The following PRG3 variants were observed in gnomAD, a reference collection of about 807,000 sequenced individuals.
PRG3 encodes the protein proteoglycan 3.
A neutral mutation model predicts 26.1 loss-of-function variants in PRG3; 25 were observed. The ratio of observed to expected loss-of-function variants is 0.96; its 90% CI spans 0.70 to 1.34. PRG3 has a LOEUF of 1.34. Ranked by LOEUF, PRG3 falls within the 40% of genes most tolerant of loss-of-function variation. The pLI is 0.00. For missense variants in PRG3, 280 were observed against 264.8 expected, an observed-to-expected ratio of 1.06 and a Z score of -0.40; for synonymous variants, 111 against 100.4, an observed-to-expected ratio of 1.11 and a Z score of -0.63.
chr11:57,379,894 C>G, intron 2 of PRG3, 87 bp from the exon 3 acceptor site: 2 of 1,236,994 alleles, frequency 1.6e-6, no homozygotes, highest in Non-Finnish European at 2.2e-6. Context: ...CTCGAGCTTT[C>G]CTAGGAATTC....
At position 57,379,693 on chromosome 11, in the gene PRG3, G is replaced by T. The variant is rs756221435; in HGVS notation, c.176C>A (p.Ala59Glu). 15 of 1,613,802 alleles carry T rather than the reference G, an allele frequency of 9.3e-6. No individual in the cohort carries two copies. Among genetic ancestry groups the T allele is most frequent in the Non-Finnish European group, 1.2e-5 (14 of 1,180,028 alleles). ...DLALTEEVIQ[A>E]EGEEVKASAC... ...AGAAGCCTTGACCTCCTCTCCCTCTGCCTGAATCACCTCCTCCGTCAGAGC... is the reference window on the plus strand; with the variant it reads ...AGAAGCCTTGACCTCCTCTCCCTCTTCCTGAATCACCTCCTCCGTCAGAGC... Residue 59 changes from alanine to glutamate, a missense_variant, in exon 3 of 6, where the codon GCA becomes GAA. Coordinates refer to ENST00000287143, the MANE Select transcript of PRG3 (RefSeq NM_006093.4).
intron 2 of PRG3, 30 bp downstream of exon 2, chr11:57,380,618 G>A (rs367748920): frequency 6.5e-7 from 1 of 1,531,968 alleles, no homozygotes; most frequent in Non-Finnish European, 8.8e-7. Context: ...AAAAGGGAAA[G>A]ACGCATGAGG....
At chr11:57,377,890 T>C in intron 4 of PRG3, 54 bp from the exon 5 acceptor site, 1 of 1,451,218 alleles carries the variant, frequency 6.9e-7, no homozygotes, top group South Asian at 1.2e-5. Context: ...CAGGACCTCA[T>C]GGAATACCCC....
intron 2 of PRG3, 77 bp from the exon 3 acceptor site, chr11:57,379,884 C>T (rs1257840326): frequency 4.5e-6 from 6 of 1,329,664 alleles, no homozygotes; most frequent in East Asian, 2.3e-5. Flanking sequence ...AGCAACGTCG[C>T]TCGAGCTTTC....
chr11:57,380,879 G>T, intron 1 of PRG3, 98 bp from the exon 2 acceptor site: 1 of 502,744 alleles, frequency 2.0e-6, no homozygotes, highest in Non-Finnish European at 3.4e-6. Context: ...CTGAGCTGGA[G>T]AGTCTAGAAA....
chr11:57,380,863 C>G, intron 1 of PRG3, 82 bp from the exon 2 acceptor site: 1 of 540,184 alleles, frequency 1.9e-6, no homozygotes, highest in Admixed American at 4.4e-5. Flanking sequence ...TTGCCATGAA[C>G]AGACCCTGAG....
chr11:57,378,684 GC>G lies in PRG3; in HGVS notation c.503del (p.Gly168AlafsTer?), dbSNP rs1565079066. ...AQVWIGGNLRGWFLWKRFCWT... is the reference protein window; with the variant it reads ...AQVWIGGNLRXWFLWKRFCWT... ...CAAGATTTGGCCCCTGACTTACCCA[GC>G]CCCTGAGGTTGCCTCCAATCCAGAC... On this transcript the variant is annotated frameshift_variant, in exon 4 of 6. Transcript: ENST00000287143. LOFTEE classifies it high-confidence loss of function. The G allele has an allele frequency of 3.7e-6, 6 of 1,613,448 alleles. No homozygotes were observed. Among genetic ancestry groups the G allele is most frequent in the Non-Finnish European group, 5.1e-6 (6 of 1,179,662 alleles).
At chr11:57,380,903 G>T in intron 1 of PRG3, 122 bp from the exon 2 acceptor site, 1 of 453,184 alleles carries the variant, frequency 2.2e-6, no homozygotes, top group Non-Finnish European at 3.8e-6. Context: ...AATGGTGGGA[G>T]GGATAACTCA....
chr11:57,378,542 G>C, intron 4 of PRG3, 139 bp downstream of exon 4: 1 of 1,170,612 alleles, frequency 8.5e-7, no homozygotes, highest in East Asian at 2.4e-5. Flanking sequence ...TCCTGAGCCA[G>C]TACAAGCCAT....
intron 4 of PRG3, 97 bp from the exon 5 acceptor site, chr11:57,377,933 G>A: frequency 2.1e-6 from 2 of 956,622 alleles, no homozygotes; most frequent in South Asian, 1.5e-5. Context: ...ACCTGGCCAG[G>A]AGCCAGACAC....
chr11:57,377,953 C>A, intron 4 of PRG3, 117 bp from the exon 5 acceptor site: 1 of 752,922 alleles, frequency 1.3e-6, no homozygotes, highest in Non-Finnish European at 2.2e-6. Context: ...CCCTAGAGAG[C>A]CATTCCTAAG....
chr11:57,377,017 T>C (rs1285497983), intron 5 of PRG3, 109 bp from the exon 6 acceptor site: 24 of 1,119,272 alleles, frequency 2.1e-5, no homozygotes, highest in Non-Finnish European at 3.2e-5. Context: ...GCCATCGTCA[T>C]CTGCCAGCTG....
Position 57,379,595 on chromosome 11 carries a change from A to C in PRG3, c.274T>G (p.Cys92Gly). ...DPAALDKDFQ[C>G]PREEDIVEVQ... ...TCAACAATGTCTTCTTCCCTGGGGC[A>C]CTGGAAGTCCTTGTCTAAGGCAGCT... is the stretch of plus-strand genomic sequence containing the variant. The change falls in exon 3 of 6, where the codon TGC (cysteine) becomes GGC (glycine). Residue 92 changes from cysteine (C) to glycine (G), a missense_variant. Transcript: ENST00000287143. 6.2e-7 allele frequency: 1 copy of C among 1,613,926 alleles called. No individual in the cohort carries two copies. The highest frequency in any genetic ancestry group is 8.5e-7 in the Non-Finnish European group (1 of 1,180,010).
At position 57,380,713 on chromosome 11, in the gene PRG3, ACTGT is replaced by A. The variant is rs1565080066; in HGVS notation, c.-9_-6del. 5 of 1,542,264 alleles carry A rather than the reference ACTGT, an allele frequency of 3.2e-6. No homozygotes were observed. The highest frequency in any genetic ancestry group is 4.4e-6 in the Non-Finnish European group (5 of 1,149,246). ...CAGGAGCAAGAGGCATTGCATATCT[ACTGT>A]CTTTTAGCGAGGACACTACTCCACC... On this transcript the variant is annotated 5_prime_UTR_variant, in exon 2 of 6. Transcript: ENST00000287143.
intron 5 of PRG3, among the ~76,000 whole-genome samples, chr11:57,377,522 A>T (rs1590650784): frequency 6.6e-6 from 1 of 151,642 alleles, no homozygotes; most frequent in Middle Eastern, 3.4e-3. Flanking sequence ...CATCCAGCCC[A>T]CCCCCCTGTC....
At chr11:57,379,407 A>T in intron 3 of PRG3, 87 bp downstream of exon 3, 1 of 1,322,310 alleles carries the variant, frequency 7.6e-7, no homozygotes, top group Non-Finnish European at 1.0e-6. Flanking sequence ...GGCTTTGAGA[A>T]CCACTAGCCT....
At chr11:57,379,364 A>T in intron 3 of PRG3, 130 bp downstream of exon 3, 1 of 978,930 alleles carries the variant, frequency 1.0e-6, no homozygotes, top group Non-Finnish European at 1.5e-6. Flanking sequence ...GCTGTGTTTT[A>T]ACAACAACTC....
rs777043586 is a variant in PRG3, at chr11:57,377,809, C to G, written c.535G>C (p.Asp179His). 8 of 1,613,084 alleles carry G rather than the reference C, an allele frequency of 5.0e-6. No homozygotes were observed. In the South Asian group the frequency reaches 8.8e-5, roughly 18 times the overall value. The change falls in exon 5 of 6, where the codon GAT becomes CAT. Residue 179 changes from aspartate to histidine, a missense_variant. Asp to His is a moderately conservative substitution (Grantham distance 81, BLOSUM62 -1). Transcript: ENST00000287143. ...TAAGCAAAATTCCAGTGGCTCCCAT[C>G]AGTCCAGCAAAACCGCTTCCACAGG... is the stretch of plus-strand genomic sequence containing the variant. The part of the protein sequence containing the change: ...WFLWKRFCWT[D>H]GSHWNFAYWS...
At chr11:57,377,652 G>A (rs1856957480) in intron 5 of PRG3, 73 bp downstream of exon 5, 2 of 1,266,724 alleles carry the variant, frequency 1.6e-6, no homozygotes, top group Non-Finnish European at 2.2e-6. Context: ...GTGTGTTCAG[G>A]CAGCTCAAAG....
Sources: gnomAD v4.1 joint callset for allele counts (sites outside exome capture counted in the v4.1 genomes callset) on GRCh38, gnomAD v4.1.1 for gene constraint, MANE v1.5 for transcripts, NCBI Gene and HGNC (gene_info 2026-07-23, HGNC 2026-07-21) for gene names.